The following ACBD6 variants were observed in gnomAD, a reference collection of about 807,000 sequenced individuals.
ACBD6 encodes the protein acyl-CoA binding domain containing 6.
Under a neutral mutation model 37.2 loss-of-function variants are expected in ACBD6, and 28 were observed. That is an observed-to-expected ratio of 0.75 (90% CI 0.56 to 1.03). The LOEUF (loss-of-function observed/expected upper bound fraction) is 1.03, where lower values mean the gene tolerates loss of function less well. Ranked by LOEUF, ACBD6 falls within the 50% of genes least tolerant of loss-of-function variation. The probability of loss-of-function intolerance (pLI) is 0.00; values close to 1 mark genes in which losing one functional copy is unlikely to be tolerated. For missense variants in ACBD6, 340 were observed against 337.4 expected (o/e 1.01, Z -0.06); for synonymous variants, 113 against 126.8 (o/e 0.89, Z 0.73).
chr1:180,347,718 T>C (rs564526543), intron 6 of ACBD6, among the ~76,000 whole-genome samples: 201 of 152,268 alleles, frequency 1.3e-3, no homozygotes, highest in Admixed American at 3.3e-3. Flanking sequence ...ACGTCTGTAA[T>C]CCCAGCAGTT....
chr1:180,311,418 T>C (rs938145841), intron 7 of ACBD6, among the ~76,000 whole-genome samples: 2 of 152,170 alleles, frequency 1.3e-5, no homozygotes, highest in Admixed American at 6.5e-5. Flanking sequence ...AGACTATTCA[T>C]AGTTCTTTCT....
At chr1:180,349,728 ATATTGTTT>A (rs1189029121) in intron 6 of ACBD6, among the ~76,000 whole-genome samples, 1 of 152,040 alleles carries the variant, frequency 6.6e-6, no homozygotes, top group Non-Finnish European at 1.5e-5. Flanking sequence ...TTTCTCTTTA[ATATTGTTT>A]TATCCTGAAA....
intron 7 of ACBD6, among the ~76,000 whole-genome samples, chr1:180,291,234 G>A (rs1162559561): frequency 1.3e-5 from 2 of 152,148 alleles, no homozygotes; most frequent in African/African-American, 2.4e-5. Flanking sequence ...TTCACAGCTT[G>A]TGGGTAAATA....
At chr1:180,472,256 A>G (rs773511335) in intron 3 of ACBD6, among the ~76,000 whole-genome samples, 1 of 152,182 alleles carries the variant, frequency 6.6e-6, no homozygotes, top group Non-Finnish European at 1.5e-5. Flanking sequence ...ACTATTCAAG[A>G]GTTGATGTGT....
chr1:180,493,840 C>T (rs1471328145), intron 2 of ACBD6, among the ~76,000 whole-genome samples: 1 of 152,164 alleles, frequency 6.6e-6, no homozygotes, highest in Non-Finnish European at 1.5e-5. Flanking sequence ...TTTTAAGAGT[C>T]CAACTGTTTT....
At chr1:180,413,139 A>G (rs1369572308) in intron 5 of ACBD6, among the ~76,000 whole-genome samples, 3 of 152,188 alleles carry the variant, frequency 2.0e-5, no homozygotes, top group Non-Finnish European at 4.4e-5. Context: ...AAGCTATCAG[A>G]CTCCTACAAA....
chr1:180,468,324 AGT>A (rs1650428339), intron 3 of ACBD6, among the ~76,000 whole-genome samples: 1 of 152,168 alleles, frequency 6.6e-6, no homozygotes, highest in South Asian at 2.1e-4. Flanking sequence ...AAGCAGTAGG[AGT>A]CAAAGCCTCC....
chr1:180,472,317 C>T (rs1442647226), intron 3 of ACBD6, among the ~76,000 whole-genome samples: 1 of 152,194 alleles, frequency 6.6e-6, no homozygotes, highest in African/African-American at 2.4e-5. Flanking sequence ...GAATGGCACA[C>T]ACTTTATTGG....
At chr1:180,393,311 T>TA (rs1201267526) in intron 6 of ACBD6, among the ~76,000 whole-genome samples, 10 of 151,044 alleles carry the variant, frequency 6.6e-5, no homozygotes, top group South Asian at 2.1e-4. Flanking sequence ...AGCCGCAGTA[T>TA]AAAAAAAAAT....
At chr1:180,322,214 C>T (rs1317214901) in intron 6 of ACBD6, among the ~76,000 whole-genome samples, 1 of 152,048 alleles carries the variant, frequency 6.6e-6, no homozygotes, top group African/African-American at 2.4e-5. Flanking sequence ...ATAAAACCAA[C>T]TTGGTTATGA....
chr1:180,276,656 C>T (rs571230599), intron 9 of ACBD6: 2 of 152,288 alleles, frequency 1.3e-5, no homozygotes, highest in South Asian at 2.1e-4. Context: ...ATACACCCTT[C>T]TTAGCAGGCT....
intron 3 of ACBD6, among the ~76,000 whole-genome samples, chr1:180,440,759 G>A (rs1014120490): frequency 6.6e-6 from 1 of 151,876 alleles, no homozygotes; most frequent in African/African-American, 2.4e-5. Flanking sequence ...CTGTCTCTAT[G>A]GATTTAACCA....
At chr1:180,465,786 T>C (rs187788952) in intron 3 of ACBD6, among the ~76,000 whole-genome samples, 2 of 152,192 alleles carry the variant, frequency 1.3e-5, no homozygotes, top group Non-Finnish European at 2.9e-5. Context: ...ACAGAGGAGA[T>C]AAAGAAAATG....
At chr1:180,315,418 T>C (rs1384421979) in intron 6 of ACBD6, among the ~76,000 whole-genome samples, 1 of 152,234 alleles carries the variant, frequency 6.6e-6, no homozygotes. Context: ...TCACATTACA[T>C]GAGCAACAAA....
chr1:180,380,361 T>C (rs1653593623), intron 6 of ACBD6, among the ~76,000 whole-genome samples: 1 of 151,896 alleles, frequency 6.6e-6, no homozygotes, highest in African/African-American at 2.4e-5. Context: ...GGAACCCCCA[T>C]CAGAATAACA....
At chr1:180,343,414 A>C (rs577454017) in intron 6 of ACBD6, among the ~76,000 whole-genome samples, 1 of 152,312 alleles carries the variant, frequency 6.6e-6, no homozygotes, top group East Asian at 1.9e-4. Context: ...AATCCTCCTA[A>C]ATGATTCTTT....
chr1:180,428,566 C>G (rs541594583), intron 4 of ACBD6, among the ~76,000 whole-genome samples: 4 of 152,310 alleles, frequency 2.6e-5, no homozygotes, highest in Admixed American at 2.6e-4. Flanking sequence ...CTCAGGATTT[C>G]TACTCTCACT....
intron 6 of ACBD6, among the ~76,000 whole-genome samples, chr1:180,388,377 C>T (rs926421270): frequency 4.6e-5 from 7 of 151,938 alleles, no homozygotes; most frequent in Non-Finnish European, 7.4e-5. Context: ...AACTGAAGAC[C>T]CCTCATCTAA....
chr1:180,433,816 C>G (rs1379437747), intron 3 of ACBD6, among the ~76,000 whole-genome samples: 1 of 151,982 alleles, frequency 6.6e-6, no homozygotes, highest in Non-Finnish European at 1.5e-5. Context: ...CCAGGTTACC[C>G]TTTCTGATTG....
Sources: gnomAD v4.1 joint callset for allele counts (sites outside exome capture counted in the v4.1 genomes callset) on GRCh38, gnomAD v4.1.1 for gene constraint, MANE v1.5 for transcripts, NCBI Gene and HGNC (gene_info 2026-07-23, HGNC 2026-07-21) for gene names.